Variants in LRRC7 observed in about 807,000 individuals in gnomAD.
LRRC7 encodes leucine rich repeat containing 7.
Under a neutral mutation model 175.7 loss-of-function variants are expected in LRRC7, and 23 were observed. The ratio of observed to expected loss-of-function variants is 0.13; its 90% CI spans 0.09 to 0.19. The LOEUF (loss-of-function observed/expected upper bound fraction) is 0.19. LRRC7 is among the 10% of genes least tolerant of loss of function. The probability of loss-of-function intolerance (pLI) is 1.00; values close to 1 mark genes in which losing one functional copy is unlikely to be tolerated. For synonymous variants in LRRC7, 685 were observed against 680.9 expected (o/e 1.01, Z -0.09); for missense variants, 1,354 against 1,904.7 (o/e 0.71, Z 5.38).
At chr1:69,859,771 A>C (rs2101526545) in intron 7 of LRRC7, among the ~76,000 whole-genome samples, 1 of 152,152 alleles carries the variant, frequency 6.6e-6, no homozygotes, top group Non-Finnish European at 1.5e-5. Flanking sequence ...AGTGAAAAAA[A>C]GTTTCTCAAA....
At chr1:69,970,189 C>T (rs938612661) in intron 8 of LRRC7, among the ~76,000 whole-genome samples, 11 of 151,934 alleles carry the variant, frequency 7.2e-5, no homozygotes, top group Non-Finnish European at 1.6e-4. Context: ...TAAAAGAGCA[C>T]AAACAGACAA....
chr1:69,612,772 T>C (rs1269898587), intron 1 of LRRC7, among the ~76,000 whole-genome samples: 1 of 152,128 alleles, frequency 6.6e-6, no homozygotes, highest in Non-Finnish European at 1.5e-5. Flanking sequence ...TATACCTATA[T>C]AGTCGTTTTT....
intron 5 of LRRC7, among the ~76,000 whole-genome samples, chr1:69,831,020 A>T (rs1191993058): frequency 2.6e-5 from 4 of 151,982 alleles, no homozygotes. Context: ...GAAGCAAAAA[A>T]GAAGTATATT....
intron 3 of LRRC7, among the ~76,000 whole-genome samples, chr1:69,772,036 G>A (rs886827418): frequency 3.9e-5 from 6 of 152,066 alleles, no homozygotes; most frequent in Admixed American, 1.3e-4. Context: ...CAGGAGAATC[G>A]CTTGAACCCA....
intron 4 of LRRC7, among the ~76,000 whole-genome samples, chr1:69,810,290 A>T (rs915202995): frequency 6.6e-6 from 1 of 152,202 alleles, no homozygotes; most frequent in African/African-American, 2.4e-5. Flanking sequence ...AACAAATGGA[A>T]AAACATTCCA....
At chr1:69,913,517 T>C (rs1646595017) in intron 7 of LRRC7, among the ~76,000 whole-genome samples, 2 of 152,194 alleles carry the variant, frequency 1.3e-5, no homozygotes, top group Non-Finnish European at 1.5e-5. Context: ...TCCTTTTTTT[T>C]TGTTTTTTGT....
chr1:69,749,314 A>G (rs940124068), intron 2 of LRRC7, among the ~76,000 whole-genome samples: 2 of 152,188 alleles, frequency 1.3e-5, no homozygotes, highest in South Asian at 2.1e-4. Context: ...CCTATAATCC[A>G]TAAGTTGATG....
intron 8 of LRRC7, among the ~76,000 whole-genome samples, chr1:69,979,573 CCTAGAT>C (rs1653201070): frequency 6.6e-6 from 1 of 152,060 alleles, no homozygotes; most frequent in Non-Finnish European, 1.5e-5. Flanking sequence ...ATTTCTCTCC[CCTAGAT>C]CTAGATCTAG....
chr1:69,724,670 A>G (rs930853068), intron 2 of LRRC7, among the ~76,000 whole-genome samples: 4 of 152,326 alleles, frequency 2.6e-5, no homozygotes, highest in African/African-American at 9.6e-5. Context: ...GGCATCTGTT[A>G]CCTGCTGAGT....
intron 1 of LRRC7, among the ~76,000 whole-genome samples, chr1:69,666,071 A>G (rs576891174): frequency 5.1e-4 from 78 of 152,212 alleles, no homozygotes; most frequent in Non-Finnish European, 9.1e-4. Context: ...TTTAGCATCA[A>G]TTGAAATGAT....
intron 24 of LRRC7, 120 bp from the exon 25 acceptor site, chr1:70,089,607 A>C (rs111774024): frequency 1.9e-5 from 12 of 632,740 alleles, no homozygotes; most frequent in African/African-American, 1.3e-4. Context: ...GTATCAACTC[A>C]ACATAGGCTA....
chr1:70,096,860 C>T (rs190458804), intron 25 of LRRC7, among the ~76,000 whole-genome samples: 6 of 152,250 alleles, frequency 3.9e-5, no homozygotes, highest in Admixed American at 3.3e-4. Flanking sequence ...GCCAAAGAGA[C>T]GAAGAGAGAA....
At chr1:69,581,652 ATGAAT>A (rs150447496) in intron 1 of LRRC7, among the ~76,000 whole-genome samples, 1,630 of 152,308 alleles carry the variant, frequency 0.011, 26 homozygotes, top group African/African-American at 0.035. Context: ...ATTACTGGAA[ATGAAT>A]TGAATACTTC....
intron 14 of LRRC7, 25 bp downstream of exon 14, chr1:70,016,559 A>G: frequency 6.7e-7 from 1 of 1,503,422 alleles, no homozygotes; most frequent in Non-Finnish European, 9.0e-7. Flanking sequence ...TGCCTGATTT[A>G]TTTATTAAGA....
intron 4 of LRRC7, among the ~76,000 whole-genome samples, chr1:69,808,657 T>C (rs545320332): frequency 1.3e-5 from 2 of 152,220 alleles, no homozygotes; most frequent in South Asian, 2.1e-4. Context: ...TGCTCCTGAA[T>C]GACTACTGGG....
intron 25 of LRRC7, among the ~76,000 whole-genome samples, chr1:70,106,526 T>G (rs1227875819): frequency 6.6e-6 from 1 of 152,218 alleles, no homozygotes; most frequent in Non-Finnish European, 1.5e-5. Flanking sequence ...TATACCACAT[T>G]TTGTTTATCC....
At chr1:69,926,650 C>A (rs1027868374) in intron 7 of LRRC7, among the ~76,000 whole-genome samples, 2 of 150,684 alleles carry the variant, frequency 1.3e-5, no homozygotes, top group Non-Finnish European at 3.0e-5. Context: ...TTTTTGTTTC[C>A]ATTTGTTTGG....
chr1:69,630,934 ACTT>A lies in LRRC7; in HGVS notation c.3-47440_3-47438del, dbSNP rs553654575. Among the ~76,000 whole-genome samples the A allele has an allele frequency of 2.3e-3, 356 of 152,184 alleles. 1 individual carries two copies. The highest frequency in any genetic ancestry group is 4.1e-3 in the South Asian group (20 of 4,820). On this transcript the variant is annotated intron_variant, in intron 1 of 26. Coordinates refer to ENST00000651989, the MANE Select transcript of LRRC7 (RefSeq NM_001370785.2). ...AATTGCTTATATAGCCAGATCTGTA[ACTT>A]CTTCTTTTTGGCTTTTGGGTTACAT...
intron 16 of LRRC7, chr1:70,022,115 C>T (rs1657570737): frequency 6.6e-6 from 1 of 152,006 alleles, no homozygotes; most frequent in Non-Finnish European, 1.5e-5. Flanking sequence ...AAAATGGATT[C>T]CCAAATCCAA....
Sources: gnomAD v4.1 joint callset for allele counts (sites outside exome capture counted in the v4.1 genomes callset) on GRCh38, gnomAD v4.1.1 for gene constraint, MANE v1.5 for transcripts, NCBI Gene and HGNC (gene_info 2026-07-23, HGNC 2026-07-21) for gene names.